Variants in CYP4X1 observed in about 807,000 individuals in gnomAD.
CYP4X1 encodes the protein cytochrome P450 4X1.
A neutral mutation model predicts 57.9 loss-of-function variants in CYP4X1; 44 were observed. The observed-to-expected ratio is 0.76, with a 90% CI of 0.60 to 0.98. The LOEUF (loss-of-function observed/expected upper bound fraction) is 0.98, where lower values mean the gene tolerates loss of function less well. Among genes scored for constraint, CYP4X1 ranks in the 50% least tolerant of loss-of-function variants. The probability of loss-of-function intolerance (pLI) is 0.00; values close to 1 mark genes in which losing one functional copy is unlikely to be tolerated. For synonymous variants in CYP4X1, 227 were observed against 228.6 expected (o/e 0.99, Z 0.06); for missense variants, 532 against 623.9 (o/e 0.85, Z 1.57).
the CYP4X1 span, among the ~76,000 whole-genome samples, chr1:46,997,191 T>A: frequency 6.6e-6 from 1 of 152,256 alleles, no homozygotes; most frequent in Non-Finnish European, 1.5e-5. Flanking sequence ...TACTAAGGAA[T>A]TCATCTTTTT....
chr1:47,047,192 A>G (rs1291600261), intron 9 of CYP4X1, among the ~76,000 whole-genome samples: 3 of 151,888 alleles, frequency 2.0e-5, no homozygotes, highest in Admixed American at 6.6e-5. Context: ...AACTGATGTG[A>G]GCAGAGCTAG....
At chr1:47,040,833 T>G (rs3920100) in intron 8 of CYP4X1, among the ~76,000 whole-genome samples, 11,993 of 152,116 alleles carry the variant, frequency 0.079, 541 homozygotes, top group East Asian at 0.22. Context: ...TCTTAGCAAT[T>G]TTCAAGTATA....
At chr1:47,024,287 TCTCTC>T (rs1395573655) in intron 1 of CYP4X1, among the ~76,000 whole-genome samples, 5 of 152,348 alleles carry the variant, frequency 3.3e-5, no homozygotes, top group African/African-American at 1.2e-4. Flanking sequence ...CTCAAGTCTG[TCTCTC>T]ATTGCTTCAC....
downstream of CYP4X1, among the ~76,000 whole-genome samples, chr1:47,053,044 A>G (rs1219864341): frequency 2.6e-5 from 4 of 151,998 alleles, no homozygotes; most frequent in Non-Finnish European, 1.5e-5. Context: ...CATTAGGTAT[A>G]TCTCCTAATG....
In CYP4X1 at chr1:47,023,771, T is replaced by A. The variant is rs1644025734; in HGVS notation, c.-47T>A. 1 of 1,587,580 alleles carries A rather than the reference T, an allele frequency of 6.3e-7. No individual in the cohort carries two copies. The highest frequency in any genetic ancestry group is 1.7e-5 in the Admixed American group (1 of 58,524). On this transcript the variant is annotated 5_prime_UTR_variant, in exon 1 of 12. Coordinates refer to ENST00000371901, the MANE Select transcript of CYP4X1 (RefSeq NM_178033.2). ...GCTCCGGGCGGGAGAAAGCCCACCC[T>A]CTCCCGCGCCCCAGGAAACCGCCGG...
upstream of CYP4X1, chr1:47,023,611 G>A (rs554383978): frequency 5.3e-6 from 7 of 1,324,382 alleles, no homozygotes; most frequent in African/African-American, 1.5e-5. Context: ...TTTGGTAACC[G>A]GCTAGAAATC....
the CYP4X1 span, among the ~76,000 whole-genome samples, chr1:47,017,071 T>C: frequency 1.3e-5 from 2 of 152,234 alleles, no homozygotes; most frequent in African/African-American, 2.4e-5. Context: ...CCATTGTGTA[T>C]TTACACCACA....
chr1:47,010,918 A>C, the CYP4X1 span, among the ~76,000 whole-genome samples: 1 of 152,240 alleles, frequency 6.6e-6, no homozygotes, highest in Admixed American at 6.5e-5. Flanking sequence ...GGATACAAAC[A>C]AATGGACTAA....
At chr1:46,980,996 G>T in the CYP4X1 span, among the ~76,000 whole-genome samples, 166 of 152,270 alleles carry the variant, frequency 1.1e-3, no homozygotes, top group African/African-American at 3.8e-3. Flanking sequence ...ATGGATTAAA[G>T]ACTTAAATAT....
At chr1:46,989,845 T>C in the CYP4X1 span, among the ~76,000 whole-genome samples, 74 of 152,334 alleles carry the variant, frequency 4.9e-4, no homozygotes, top group African/African-American at 1.8e-3. Flanking sequence ...TGGCTAGCCA[T>C]ATGCAGAAAG....
At chr1:47,032,182 A>G (rs928626414) in intron 3 of CYP4X1, among the ~76,000 whole-genome samples, 5 of 152,124 alleles carry the variant, frequency 3.3e-5, no homozygotes, top group Middle Eastern at 3.2e-3. Flanking sequence ...GAGTCAGTAA[A>G]ATTTTGCTCT....
the CYP4X1 span, chr1:46,961,863 G>A: frequency 4.2e-6 from 4 of 960,906 alleles, no homozygotes; most frequent in Non-Finnish European, 5.6e-6. Context: ...AGACAACCTG[G>A]CCTCTTTGTG....
At position 47,035,777 on chromosome 1, in the gene CYP4X1, A is replaced by G. The variant is rs768620879; in HGVS notation, c.493-29A>G. On this transcript the variant is annotated intron_variant, in intron 4 of 11. Coordinates refer to ENST00000371901, the MANE Select transcript of CYP4X1 (RefSeq NM_178033.2). ...AGGCAATTTGGTCATGGTGGTGGTG[A>G]TGATGTTGGTCTTGACCTCCTGTGC... 1.1e-4 allele frequency: 170 copies of G among 1,598,970 alleles called. 1 individual carries two copies. The South Asian group carries it at 1.7e-3, about 16-fold the overall frequency.
chr1:47,024,676 G>C (rs1644043053), intron 1 of CYP4X1, among the ~76,000 whole-genome samples: 1 of 152,186 alleles, frequency 6.6e-6, no homozygotes, highest in African/African-American at 2.4e-5. Flanking sequence ...TGCAGACTTA[G>C]GCCACAGAGA....
At chr1:46,978,571 CA>C in the CYP4X1 span, among the ~76,000 whole-genome samples, 1 of 151,992 alleles carries the variant, frequency 6.6e-6, no homozygotes, top group African/African-American at 2.4e-5. Flanking sequence ...ATCAATGAGA[CA>C]GAAGGTTAAC....
At chr1:47,011,829 C>T in the CYP4X1 span, among the ~76,000 whole-genome samples, 2,534 of 152,288 alleles carry the variant, frequency 0.017, 30 homozygotes, top group Middle Eastern at 0.048. Context: ...CACTGGCCAT[C>T]GGAGAAATGC....
rs193297653 is a variant in CYP4X1, at chr1:47,043,082, G to A, written c.1074-3385G>A. On this transcript the variant is annotated intron_variant, in intron 8 of 11. Coordinates refer to ENST00000371901, the MANE Select transcript of CYP4X1 (RefSeq NM_178033.2). ...AGTTTACATTCCCACCAACAGTGTA[G>A]AAGTGTTCCCTGTTCACTGTATCCA... 3.7e-3 allele frequency among the ~76,000 whole-genome samples: 558 copies of A among 152,254 alleles called. 8 individuals are homozygous for A. The highest frequency in any genetic ancestry group is 0.013 in the African/African-American group (529 of 41,562).
chr1:46,997,192 T>A, the CYP4X1 span, among the ~76,000 whole-genome samples: 1 of 152,264 alleles, frequency 6.6e-6, no homozygotes, highest in South Asian at 2.1e-4. Context: ...ACTAAGGAAT[T>A]CATCTTTTTC....
downstream of CYP4X1, among the ~76,000 whole-genome samples, chr1:47,053,024 C>T (rs1644369136): frequency 6.6e-6 from 1 of 152,090 alleles, no homozygotes; most frequent in South Asian, 2.1e-4. Context: ...CCCATTAACT[C>T]ATCATTTAGC....
Sources: gnomAD v4.1 joint callset for allele counts (sites outside exome capture counted in the v4.1 genomes callset) on GRCh38, gnomAD v4.1.1 for gene constraint, MANE v1.5 for transcripts, NCBI Gene and HGNC (gene_info 2026-07-23, HGNC 2026-07-21) for gene names.